The following TSNARE1 variants were observed in gnomAD, a reference collection of about 807,000 sequenced individuals.
TSNARE1 encodes the protein t-SNARE domain-containing protein 1.
In TSNARE1, 49 loss-of-function variants were observed where a neutral mutation model predicts 62.0. The ratio of observed to expected loss-of-function variants is 0.79; its 90% CI spans 0.63 to 1.00. The LOEUF is 1.00. TSNARE1 is among the 50% of genes least tolerant of loss of function. TSNARE1 has a pLI of 0.00. For missense variants in TSNARE1, 755 were observed against 700.1 expected (o/e 1.08, Z -0.88); for synonymous variants, 328 against 294.4 (o/e 1.11, Z -1.17).
chr8:142,351,791 C>A (rs917632824), intron 2 of TSNARE1, among the ~76,000 whole-genome samples: 1 of 152,210 alleles, frequency 6.6e-6, no homozygotes. Context: ...AACTTTATCA[C>A]AGAGCTGTCA....
At chr8:142,277,439 AC>A (rs1203071592) in intron 11 of TSNARE1, 3 of 985,234 alleles carry the variant, frequency 3.0e-6, no homozygotes, top group Non-Finnish European at 3.6e-6. Flanking sequence ...CACAGCCGTG[AC>A]CAGCCCTGCA....
intron 12 of TSNARE1, among the ~76,000 whole-genome samples, chr8:142,232,706 G>A (rs984802713): frequency 1.4e-4 from 21 of 152,194 alleles, no homozygotes; most frequent in Admixed American, 2.6e-4. Context: ...CCACCGCTCC[G>A]TATCTGGACA....
chr8:142,249,326 G>A (rs576752057), intron 12 of TSNARE1, among the ~76,000 whole-genome samples: 66 of 152,288 alleles, frequency 4.3e-4, no homozygotes, highest in African/African-American at 1.2e-3. Flanking sequence ...CTGGGCAGCC[G>A]GCAAGGAACA....
chr8:142,268,232 C>T (rs183548134), intron 12 of TSNARE1, among the ~76,000 whole-genome samples: 143 of 152,344 alleles, frequency 9.4e-4, no homozygotes, highest in African/African-American at 2.7e-3. Context: ...CCTGGCCTCT[C>T]GGCATCTGAG....
At chr8:142,322,007 T>C (rs1243186869) in intron 6 of TSNARE1, among the ~76,000 whole-genome samples, 3 of 152,158 alleles carry the variant, frequency 2.0e-5, no homozygotes, top group Non-Finnish European at 4.4e-5. Flanking sequence ...AATACAATTT[T>C]AGAAAAACGA....
At chr8:142,223,039 C>CTCATTCACTCACTCACTCAT (rs1554624309) in intron 13 of TSNARE1, among the ~76,000 whole-genome samples, 55,770 of 88,794 alleles carry the variant, frequency 0.63, 19,576 homozygotes, top group African/African-American at 0.71. Context: ...CACTCATTCA[C>CTCATTCACTCACTCACTCAT]TCACTCACTC....
chr8:142,344,452 CT>C lies in TSNARE1; in HGVS notation c.258del (p.Gly87AlafsTer54). 2 of 1,572,410 alleles carry C rather than the reference CT, an allele frequency of 1.3e-6. No individual in the cohort carries two copies. Among genetic ancestry groups the C allele is most frequent in the South Asian group, 1.2e-5 (1 of 85,278 alleles). On this transcript the variant is annotated frameshift_variant, in exon 4 of 14. Coordinates refer to ENST00000524325, the MANE Select transcript of TSNARE1 (RefSeq NM_145003.5). LOFTEE classifies it high-confidence loss of function. ...GAGGTGGGCTCCGGCATCCGGCTGCCTTCAGGGGCAACCCCAGGCCCTGGAA... is the reference window on the plus strand; with the variant it reads ...GAGGTGGGCTCCGGCATCCGGCTGCCTCAGGGGCAACCCCAGGCCCTGGAA... ...ARKRGPGVAP[E>X]GSRMPEPTSS...
At chr8:142,273,908 G>A in intron 12 of TSNARE1, 1 of 985,226 alleles carries the variant, frequency 1.0e-6, no homozygotes, top group Non-Finnish European at 1.2e-6. Flanking sequence ...ACACCTGCCT[G>A]TGATGTCCTG....
At chr8:142,406,918 C>T (rs4567083), upstream of TSNARE1, 123,645 of 152,242 alleles carry the variant, frequency 0.81, 50,304 homozygotes, top group Middle Eastern at 0.86. Context: ...TCATCAGAGA[C>T]CAGGCTCTTA....
intron 9 of TSNARE1, among the ~76,000 whole-genome samples, chr8:142,303,979 C>T (rs1337450668): frequency 6.6e-6 from 1 of 152,234 alleles, no homozygotes; most frequent in Non-Finnish European, 1.5e-5. Flanking sequence ...CTAAAGGGCA[C>T]CTTGCCCAGG....
Position 142,335,638 on chromosome 8 carries a change from A to G in TSNARE1, c.746-3807T>C, listed in dbSNP as rs187618519. 1.4e-3 allele frequency among the ~76,000 whole-genome samples: 206 copies of G among 152,198 alleles called. 2 individuals carry two copies. The highest frequency in any genetic ancestry group is 2.7e-3 in the South Asian group (13 of 4,818). On this transcript the variant is annotated intron_variant, in intron 4 of 13. Coordinates refer to ENST00000524325, the MANE Select transcript of TSNARE1 (RefSeq NM_145003.5). ...GAAGAGAAAGAAAATAAAAAGGGGG[A>G]AAAAAAGGAAATATAGAAAGCAAAC...
rs1270708059 is a variant in TSNARE1, at chr8:142,253,780, C to T, written c.1446+21001G>A. 2.6e-5 allele frequency among the ~76,000 whole-genome samples: 4 copies of T among 152,348 alleles called. No homozygotes were observed. In the East Asian group the frequency reaches 7.7e-4, roughly 29 times the overall value. On this transcript the variant is annotated intron_variant, in intron 12 of 13. Coordinates refer to ENST00000524325, the MANE Select transcript of TSNARE1 (RefSeq NM_145003.5). ...GGACCCTGCGGCTGGTCAGTGGGAA[C>T]GCGTAGCCAGCCTTTTCCCAGGGGC... is the stretch of plus-strand genomic sequence containing the variant.
intron 1 of TSNARE1, among the ~76,000 whole-genome samples, chr8:142,395,564 C>G (rs1226735911): frequency 6.6e-6 from 1 of 151,486 alleles, no homozygotes; most frequent in African/African-American, 2.4e-5. Context: ...CCAGGAAGAT[C>G]TGTCGCCAGG....
At chr8:142,339,430 G>C (rs563379568) in intron 4 of TSNARE1, among the ~76,000 whole-genome samples, 1 of 152,232 alleles carries the variant, frequency 6.6e-6, no homozygotes, top group South Asian at 2.1e-4. Flanking sequence ...GGATGAGGCA[G>C]GGGAAGCCAG....
At chr8:142,352,550 G>A (rs1834235873) in intron 2 of TSNARE1, among the ~76,000 whole-genome samples, 4 of 152,280 alleles carry the variant, frequency 2.6e-5, no homozygotes. Context: ...CTGAGATGCG[G>A]AACACGCACA....
intron 11 of TSNARE1, chr8:142,276,090 G>A: frequency 1.0e-6 from 1 of 985,266 alleles, no homozygotes. Flanking sequence ...GGGCCCTAGT[G>A]GAGCCGCAGG....
At chr8:142,331,900 C>T (rs1339515185) in intron 4 of TSNARE1, 69 bp from the exon 5 acceptor site, 2 of 1,461,118 alleles carry the variant, frequency 1.4e-6, no homozygotes, top group African/African-American at 1.4e-5. Context: ...GCTCTGCTAA[C>T]CGCTCTGGGC....
At chr8:142,304,323 G>A (rs898200475) in intron 9 of TSNARE1, among the ~76,000 whole-genome samples, 3 of 152,210 alleles carry the variant, frequency 2.0e-5, no homozygotes, top group Non-Finnish European at 4.4e-5. Context: ...CGGGGCTCTT[G>A]CAGAAAGAGC....
At chr8:142,244,728 C>T (rs1586833721) in intron 12 of TSNARE1, among the ~76,000 whole-genome samples, 1 of 152,350 alleles carries the variant, frequency 6.6e-6, no homozygotes, top group African/African-American at 2.4e-5. Context: ...GGAAGAGTAG[C>T]AACTAAGACA....
Sources: allele counts gnomAD v4.1 joint callset (sites outside exome capture counted in the v4.1 genomes callset), GRCh38; gene constraint gnomAD v4.1.1; transcripts MANE v1.5; gene names NCBI Gene and HGNC (gene_info 2026-07-23, HGNC 2026-07-21).